The following FAM168A variants were observed in gnomAD, a reference collection of about 807,000 sequenced individuals.
The protein encoded by FAM168A is protein FAM168A.
FAM168A carries 3 observed loss-of-function variants against 28.5 expected under a neutral mutation model. The observed-to-expected ratio is 0.11, with a 90% CI of 0.05 to 0.27. FAM168A has a LOEUF of 0.27. FAM168A is among the 10% of genes least tolerant of loss of function. FAM168A has a pLI of 1.00. For missense variants in FAM168A, 222 were observed against 311.5 expected (o/e 0.71, Z 2.16); for synonymous variants, 122 against 124.2 (o/e 0.98, Z 0.12).
chr11:73,539,053 TA>T (rs1943619611), intron 1 of FAM168A, among the ~76,000 whole-genome samples: 1 of 152,144 alleles, frequency 6.6e-6, no homozygotes, highest in Admixed American at 6.5e-5. Flanking sequence ...GTAAAGAACC[TA>T]AGAACAGAGC....
chr11:73,454,690 G>C (rs1310148994), intron 2 of FAM168A, among the ~76,000 whole-genome samples: 3 of 152,220 alleles, frequency 2.0e-5, no homozygotes, highest in Non-Finnish European at 1.5e-5. Flanking sequence ...AAAAACTCCA[G>C]ATTCAGCTGG....
At chr11:73,448,184 A>T (rs987661189) in intron 2 of FAM168A, among the ~76,000 whole-genome samples, 1 of 152,244 alleles carries the variant, frequency 6.6e-6, no homozygotes, top group Non-Finnish European at 1.5e-5. Flanking sequence ...AGTAGCTGGG[A>T]CTACAGGTGC....
In FAM168A at chr11:73,403,653, T is replaced by TA. The variant is rs1456887927; in HGVS notation, c.*3109dup. 6.6e-6 allele frequency: 1 copy of TA among 152,170 alleles called. No individual in the cohort carries two copies. Among genetic ancestry groups the TA allele is most frequent in the African/African-American group, 2.4e-5 (1 of 41,434 alleles). The allele number at this position is 152,170 out of a possible 1,614,324, so 9.4% of individuals were successfully genotyped here. A position where few individuals can be genotyped will look rare whatever the true frequency, so the allele number is the denominator to read the frequency against. Reference sequence around the variant, plus strand: ...ACCTCCCACTAGATCTCTGTGACCTTACCAGTAACTGTGCCCATCCTACCA... The same window carrying TA: ...ACCTCCCACTAGATCTCTGTGACCTTAACCAGTAACTGTGCCCATCCTACCA... On this transcript the variant is annotated 3_prime_UTR_variant, in exon 8 of 8. Coordinates refer to ENST00000356467, the MANE Select transcript of FAM168A (RefSeq NM_015159.3).
At chr11:73,484,687 G>GAT (rs1565265975) in intron 1 of FAM168A, among the ~76,000 whole-genome samples, 22 of 125,032 alleles carry the variant, frequency 1.8e-4, no homozygotes, top group East Asian at 4.6e-4. Flanking sequence ...TATCGCTATA[G>GAT]ATATATAGAT....
intron 2 of FAM168A, among the ~76,000 whole-genome samples, chr11:73,467,542 A>G (rs975951826): frequency 6.6e-6 from 1 of 152,102 alleles, no homozygotes; most frequent in African/African-American, 2.4e-5. Context: ...CCCCTTCCAG[A>G]TTTACAATGT....
At chr11:73,490,175 A>G (rs1868108945) in intron 1 of FAM168A, among the ~76,000 whole-genome samples, 1 of 152,202 alleles carries the variant, frequency 6.6e-6, no homozygotes, top group African/African-American at 2.4e-5. Flanking sequence ...CAACTAGTCC[A>G]TCAGCAAATC....
Position 73,597,936 on chromosome 11 carries a change from C to T in FAM168A, c.-32G>A. 1 of 156,314 alleles carries T rather than the reference C, an allele frequency of 6.4e-6. No individual in the cohort carries two copies. The highest frequency in any genetic ancestry group is 1.4e-5 in the Non-Finnish European group (1 of 71,134). 9.7% of individuals were successfully genotyped at this position (156,314 alleles called of 1,614,324 possible). ...GAGTCTCCTCACCGGTGAGCAGCTG[C>T]AGGCGAAAACGGCGGCGGCGGCGGC... On this transcript the variant is annotated 5_prime_UTR_variant, in exon 1 of 8. Transcript: ENST00000356467.
intron 2 of FAM168A, among the ~76,000 whole-genome samples, chr11:73,451,169 G>A (rs1316348681): frequency 6.6e-6 from 1 of 152,184 alleles, no homozygotes; most frequent in Non-Finnish European, 1.5e-5. Flanking sequence ...AAGCTCTTAG[G>A]CTGTCTGGGA....
intron 2 of FAM168A, chr11:73,452,326 T>C (rs1286266303): frequency 6.6e-6 from 1 of 152,376 alleles, no homozygotes; most frequent in African/African-American, 2.4e-5. Flanking sequence ...CCTCAAGTTA[T>C]CCTGTCAACC....
intron 1 of FAM168A, among the ~76,000 whole-genome samples, chr11:73,573,339 A>T (rs562185057): frequency 3.3e-5 from 5 of 152,280 alleles, no homozygotes; most frequent in African/African-American, 1.2e-4. Flanking sequence ...TTCTCCACAC[A>T]CTACCCTGTG....
At chr11:73,482,152 C>T (rs908669027) in intron 1 of FAM168A, among the ~76,000 whole-genome samples, 3 of 123,110 alleles carry the variant, frequency 2.4e-5, no homozygotes, top group African/African-American at 9.0e-5. Context: ...TACAGCAGCA[C>T]AAAATACACA....
At chr11:73,580,526 G>A (rs1044101415) in intron 1 of FAM168A, 7 of 595,248 alleles carry the variant, frequency 1.2e-5, no homozygotes, top group African/African-American at 3.7e-5. Context: ...CAAGCGAAGT[G>A]TGTGCATTTT....
At chr11:73,417,446 T>C (rs775639830) in intron 4 of FAM168A, among the ~76,000 whole-genome samples, 1 of 152,180 alleles carries the variant, frequency 6.6e-6, no homozygotes, top group African/African-American at 2.4e-5. Context: ...GATGTTTAGA[T>C]GTAAGAGAGA....
intron 1 of FAM168A, among the ~76,000 whole-genome samples, chr11:73,555,051 A>G (rs1054610783): frequency 6.6e-6 from 1 of 152,244 alleles, no homozygotes; most frequent in East Asian, 1.9e-4. Context: ...ACTAATTTAA[A>G]GGAGAAAGAC....
chr11:73,412,198 A>T (rs1565233777), intron 4 of FAM168A: 1 of 148,430 alleles, frequency 6.7e-6, no homozygotes. Flanking sequence ...ACAAAACACC[A>T]TTCAGAGATC....
At chr11:73,529,681 C>A (rs1316588358) in intron 1 of FAM168A, among the ~76,000 whole-genome samples, 1 of 152,112 alleles carries the variant, frequency 6.6e-6, no homozygotes, top group Non-Finnish European at 1.5e-5. Context: ...AGGGAGGATG[C>A]CTATTCCAGT....
intron 1 of FAM168A, among the ~76,000 whole-genome samples, chr11:73,520,540 T>A (rs539531993): frequency 1.3e-5 from 2 of 152,134 alleles, no homozygotes; most frequent in Middle Eastern, 3.2e-3. Flanking sequence ...TTAACCTCTT[T>A]AGAATTTCAG....
chr11:73,477,199 C>T (rs144068728), intron 1 of FAM168A, among the ~76,000 whole-genome samples: 7 of 151,934 alleles, frequency 4.6e-5, no homozygotes, highest in African/African-American at 1.7e-4. Context: ...GAACAATAGA[C>T]ACTAGGACTT....
intron 2 of FAM168A, among the ~76,000 whole-genome samples, chr11:73,437,502 C>G (rs1867111944): frequency 6.9e-6 from 1 of 145,212 alleles, no homozygotes; most frequent in South Asian, 2.4e-4. Context: ...CTCCTCGGTT[C>G]AAGCAATTCT....
Sources: gnomAD v4.1 joint callset for allele counts (sites outside exome capture counted in the v4.1 genomes callset) on GRCh38, gnomAD v4.1.1 for gene constraint, MANE v1.5 for transcripts, NCBI Gene and HGNC (gene_info 2026-07-23, HGNC 2026-07-21) for gene names.